RAPGEF2: variants seen among roughly 807,000 people sequenced by gnomAD.
The protein encoded by RAPGEF2 is Rap guanine nucleotide exchange factor 2.
In RAPGEF2, 54 loss-of-function variants were observed where a neutral mutation model predicts 186.7. That is an observed-to-expected ratio of 0.29 (90% CI 0.23 to 0.36). RAPGEF2 has a LOEUF of 0.36. Among genes scored for constraint, RAPGEF2 ranks in the 10% least tolerant of loss-of-function variants. The probability of loss-of-function intolerance (pLI) is 1.00; values close to 1 mark genes in which losing one functional copy is unlikely to be tolerated. For synonymous variants in RAPGEF2, 712 were observed against 705.9 expected (o/e 1.01, Z -0.14); for missense variants, 1,532 against 2,045.0 (o/e 0.75, Z 4.84).
chr4:159,212,320 G>A (rs949768527), intron 4 of RAPGEF2, among the ~76,000 whole-genome samples: 3 of 151,850 alleles, frequency 2.0e-5, no homozygotes, highest in African/African-American at 4.8e-5. Flanking sequence ...GAACTTAAAA[G>A]AAGGTGCTGG....
chr4:159,330,295 G>GTGTGTGTGTGTGTGTGTGTGTA (rs1554038040), intron 12 of RAPGEF2, 39 bp from the exon 13 acceptor site: 15 of 924,486 alleles, frequency 1.6e-5, no homozygotes, highest in African/African-American at 3.5e-5. Context: ...GTGTGTGTGT[G>GTGTGTGTGTGTGTGTGTGTGTA]TATATATATG....
intron 1 of RAPGEF2, among the ~76,000 whole-genome samples, chr4:159,138,662 T>C (rs1741987676): frequency 6.6e-6 from 1 of 152,198 alleles, no homozygotes; most frequent in Admixed American, 6.5e-5. Context: ...TTGGGGAATG[T>C]TTTTTAAAAA....
chr4:159,325,579 T>A (rs1404978405), intron 11 of RAPGEF2, among the ~76,000 whole-genome samples: 1 of 148,778 alleles, frequency 6.7e-6, no homozygotes. Context: ...TGTGTGTCCT[T>A]GACGAGCAAG....
chr4:159,324,306 G>A (rs1388920361), intron 11 of RAPGEF2, among the ~76,000 whole-genome samples: 1 of 152,162 alleles, frequency 6.6e-6, no homozygotes, highest in African/African-American at 2.4e-5. Flanking sequence ...GGGATTACAG[G>A]CGTGAGCCAC....
chr4:159,154,399 A>G (rs1377501188), intron 1 of RAPGEF2, among the ~76,000 whole-genome samples: 3 of 151,836 alleles, frequency 2.0e-5, no homozygotes, highest in Non-Finnish European at 2.9e-5. Context: ...AAATCCCTTC[A>G]CTCATAAAGT....
Position 159,346,938 on chromosome 4 carries a change from C to T in RAPGEF2, c.3652C>T (p.Pro1218Ser). The T allele has an allele frequency of 6.2e-7, 1 of 1,614,228 alleles. No individual in the cohort carries two copies. Among genetic ancestry groups the T allele is most frequent in the South Asian group, 1.1e-5 (1 of 91,082 alleles). Residue 1218 changes from proline to serine, a missense_variant, in exon 25 of 30, where the codon CCC (proline) becomes TCC (serine). By Grantham distance (74) the Pro-to-Ser change is moderately conservative. This residue lies in a region of RAPGEF2 where 594 missense variants were observed against 608.5 expected (regional missense o/e 0.98). Coordinates refer to ENST00000691494, the MANE Select transcript of RAPGEF2 (RefSeq NM_001394067.2). Reference protein sequence around the residue: ...AHKINQGLQVPAVSLYPSRKK... With the variant: ...AHKINQGLQVSAVSLYPSRKK... ...TAAAATCAACCAGGGACTACAGGTT[C>T]CCGCCGTGTCCCTTTATCCTTCACG...
intron 3 of RAPGEF2, among the ~76,000 whole-genome samples, chr4:159,193,701 T>C (rs1222593186): frequency 6.6e-6 from 1 of 152,208 alleles, no homozygotes; most frequent in Non-Finnish European, 1.5e-5. Flanking sequence ...TTCGATAATA[T>C]TAATATTCTT....
chr4:159,279,925 T>A (rs970372784), intron 7 of RAPGEF2, among the ~76,000 whole-genome samples: 4 of 152,094 alleles, frequency 2.6e-5, no homozygotes, highest in Non-Finnish European at 5.9e-5. Context: ...GCTCAAGTAA[T>A]CTGCCCGCCT....
At chr4:159,251,391 G>T (rs1413024134) in intron 7 of RAPGEF2, among the ~76,000 whole-genome samples, 1 of 152,276 alleles carries the variant, frequency 6.6e-6, no homozygotes, top group Non-Finnish European at 1.5e-5. Flanking sequence ...GGGCTCCTGA[G>T]TAGAGTGGGG....
intron 1 of RAPGEF2, among the ~76,000 whole-genome samples, chr4:159,165,453 A>C (rs1339152324): frequency 6.6e-6 from 1 of 152,172 alleles, no homozygotes; most frequent in African/African-American, 2.4e-5. Flanking sequence ...ATATCTATAT[A>C]TCTCTATCTG....
At chr4:159,284,140 T>C (rs1158739167) in intron 7 of RAPGEF2, among the ~76,000 whole-genome samples, 1 of 152,224 alleles carries the variant, frequency 6.6e-6, no homozygotes, top group African/African-American at 2.4e-5. Context: ...TCTGTCTTCA[T>C]TGGCTCCTTT....
intron 1 of RAPGEF2, among the ~76,000 whole-genome samples, chr4:159,147,455 A>G (rs1224043054): frequency 6.6e-6 from 1 of 152,150 alleles, no homozygotes; most frequent in African/African-American, 2.4e-5. Flanking sequence ...TTGAGGAGAC[A>G]GGTTAGCTGA....
chr4:159,230,547 C>G lies in RAPGEF2; in HGVS notation c.282-8262C>G, dbSNP rs550563390. 7.9e-5 allele frequency among the ~76,000 whole-genome samples: 12 copies of G among 152,222 alleles called. No individual in the cohort carries two copies. In the South Asian group the frequency reaches 2.5e-3, roughly 32 times the overall value. ...TCTTGGTAAGTGGTATTATGAGTGC[C>G]ATTTCAAAGAAGCAGATGTCCTACT... On this transcript the variant is annotated intron_variant, in intron 4 of 29. Coordinates refer to ENST00000691494, the MANE Select transcript of RAPGEF2 (RefSeq NM_001394067.2).
intron 17 of RAPGEF2, among the ~76,000 whole-genome samples, chr4:159,334,677 T>G (rs187765470): frequency 6.6e-6 from 1 of 152,216 alleles, no homozygotes; most frequent in African/African-American, 2.4e-5. Context: ...AAATGTGACA[T>G]GTAAGAACTG....
At position 159,312,895 on chromosome 4, in the gene RAPGEF2, C is replaced by T. The variant is rs1764113291; in HGVS notation, c.676-1696C>T. On this transcript the variant is annotated intron_variant, in intron 8 of 29. Transcript: ENST00000691494. ...GGGCGTGGTGGCTCATGCCTGTAATCACAGCACTTTGGTAGGCTGAGGTGG... is the reference window on the plus strand; with the variant it reads ...GGGCGTGGTGGCTCATGCCTGTAATTACAGCACTTTGGTAGGCTGAGGTGG... Among the ~76,000 whole-genome samples the T allele has an allele frequency of 2.0e-5, 3 of 152,162 alleles. No homozygotes were observed. In the South Asian group the frequency reaches 6.2e-4, roughly 31 times the overall value.
At position 159,209,276 on chromosome 4, in the gene RAPGEF2, C is replaced by CA. The variant is rs199551732; in HGVS notation, c.198-1214dup. ...AGTTAAAAGTTATGAAGTGATTTTA[C>CA]AAAAAAAAAATAGAAATGACTCATG... On this transcript the variant is annotated intron_variant, in intron 3 of 29. Coordinates refer to ENST00000691494, the MANE Select transcript of RAPGEF2 (RefSeq NM_001394067.2). 9.4e-3 allele frequency among the ~76,000 whole-genome samples: 1,309 copies of CA among 138,840 alleles called. 15 individuals are homozygous for CA. The highest frequency in any genetic ancestry group is 0.031 in the African/African-American group (1,163 of 37,768). 91.1% of individuals were successfully genotyped at this position (138,840 alleles called of 152,430 possible). A position where few individuals can be genotyped will look rare whatever the true frequency, so the allele number is the denominator to read the frequency against.
chr4:159,349,141 T>C (rs1184613020), intron 25 of RAPGEF2, among the ~76,000 whole-genome samples: 1 of 152,274 alleles, frequency 6.6e-6, no homozygotes, highest in African/African-American at 2.4e-5. Context: ...CTTTATTTCC[T>C]GTGTATATGA....
chr4:159,136,464 A>T (rs1741734866), intron 1 of RAPGEF2, among the ~76,000 whole-genome samples: 1 of 152,112 alleles, frequency 6.6e-6, no homozygotes, highest in African/African-American at 2.4e-5. Context: ...TAGAACAAGG[A>T]GAGTTTGGGA....
At chr4:159,286,869 G>A (rs1760573895) in intron 7 of RAPGEF2, among the ~76,000 whole-genome samples, 1 of 152,106 alleles carries the variant, frequency 6.6e-6, no homozygotes, top group African/African-American at 2.4e-5. Flanking sequence ...GTTTGTTGTT[G>A]TTCATGTTAT....
Sources: gnomAD v4.1 joint callset for allele counts (sites outside exome capture counted in the v4.1 genomes callset) on GRCh38, gnomAD v4.1.1 for gene constraint, gnomAD v4.1.1 regional missense constraint, MANE v1.5 for transcripts, NCBI Gene and HGNC (gene_info 2026-07-23, HGNC 2026-07-21) for gene names.